The following HS3ST3A1 variants were observed in gnomAD, a reference collection of about 807,000 sequenced individuals.
HS3ST3A1 encodes heparan sulfate-glucosamine 3-sulfotransferase 3A1.
Under a neutral mutation model 25.7 loss-of-function variants are expected in HS3ST3A1, and 19 were observed. The observed-to-expected ratio is 0.74, with a 90% CI of 0.52 to 1.08. The LOEUF (loss-of-function observed/expected upper bound fraction) is 1.08, where lower values mean the gene tolerates loss of function less well. HS3ST3A1 is among the 50% of genes least tolerant of loss of function. HS3ST3A1 has a pLI of 0.00. For synonymous variants in HS3ST3A1, 226 were observed against 278.6 expected (o/e 0.81, Z 1.88); for missense variants, 459 against 594.3 (o/e 0.77, Z 2.37).
chr17:13,538,771 G>A (rs949253488), intron 1 of HS3ST3A1, among the ~76,000 whole-genome samples: 7 of 152,072 alleles, frequency 4.6e-5, no homozygotes, highest in African/African-American at 9.7e-5. Context: ...CAGGGGACAC[G>A]AAAGCAGGAG....
intron 1 of HS3ST3A1, among the ~76,000 whole-genome samples, chr17:13,530,494 G>C (rs1429101245): frequency 6.6e-6 from 1 of 152,168 alleles, no homozygotes; most frequent in African/African-American, 2.4e-5. Context: ...GGTGTGGAGA[G>C]ACTTGAACCC....
intron 1 of HS3ST3A1, among the ~76,000 whole-genome samples, chr17:13,581,572 C>G (rs1309824362): frequency 6.6e-6 from 1 of 151,140 alleles, no homozygotes; most frequent in Non-Finnish European, 1.5e-5. Context: ...TGTCTGAAAA[C>G]AACTAGCCAC....
intron 1 of HS3ST3A1, among the ~76,000 whole-genome samples, chr17:13,521,959 T>C (rs1906259620): frequency 6.6e-6 from 1 of 152,094 alleles, no homozygotes; most frequent in Non-Finnish European, 1.5e-5. Flanking sequence ...CAACCTCCCT[T>C]CCCTCCACTC....
intron 1 of HS3ST3A1, among the ~76,000 whole-genome samples, chr17:13,529,622 A>T (rs1906539792): frequency 6.6e-6 from 1 of 152,222 alleles, no homozygotes. Flanking sequence ...AGTCTACTGT[A>T]AAAAATCCAT....
intron 1 of HS3ST3A1, among the ~76,000 whole-genome samples, chr17:13,586,925 T>TA (rs1247093627): frequency 1.4e-5 from 2 of 138,188 alleles, no homozygotes; most frequent in Non-Finnish European, 3.1e-5. Flanking sequence ...AGACTTAATA[T>TA]AAAAAACTAC....
chr17:13,513,712 T>C (rs1169365734), intron 1 of HS3ST3A1, among the ~76,000 whole-genome samples: 1 of 152,220 alleles, frequency 6.6e-6, no homozygotes, highest in East Asian at 1.9e-4. Flanking sequence ...TCCTATTTTA[T>C]GAAATGCCAT....
At chr17:13,569,737 T>G (rs1013447759) in intron 1 of HS3ST3A1, among the ~76,000 whole-genome samples, 7 of 152,326 alleles carry the variant, frequency 4.6e-5, no homozygotes, top group African/African-American at 1.4e-4. Flanking sequence ...TGATGTAAAT[T>G]CAATCCCTTG....
intron 1 of HS3ST3A1, among the ~76,000 whole-genome samples, chr17:13,564,782 G>A (rs1907635843): frequency 6.8e-6 from 1 of 147,384 alleles, no homozygotes; most frequent in South Asian, 2.1e-4. Context: ...CGAGTGCAGT[G>A]GTGCGATCGC....
chr17:13,550,721 A>G (rs1173573581), intron 1 of HS3ST3A1, among the ~76,000 whole-genome samples: 3 of 152,008 alleles, frequency 2.0e-5, no homozygotes, highest in African/African-American at 7.3e-5. Context: ...AACAACAACA[A>G]CAACAACAAC....
At chr17:13,526,501 TATATATATATATA>T (rs1906431427) in intron 1 of HS3ST3A1, among the ~76,000 whole-genome samples, 1 of 135,478 alleles carries the variant, frequency 7.4e-6, no homozygotes, top group East Asian at 2.1e-4. Context: ...TATATATATA[TATATATATATATA>T]TTATTGGGTT....
chr17:13,552,938 CAAG>C (rs1279807986), intron 1 of HS3ST3A1, among the ~76,000 whole-genome samples: 3 of 152,136 alleles, frequency 2.0e-5, no homozygotes, highest in Admixed American at 6.6e-5. Flanking sequence ...CCCCTTTAAG[CAAG>C]AAGGAGAATT....
At chr17:13,580,783 C>T (rs1046371585) in intron 1 of HS3ST3A1, among the ~76,000 whole-genome samples, 4 of 152,052 alleles carry the variant, frequency 2.6e-5, no homozygotes, top group African/African-American at 9.7e-5. Context: ...CCCAGCTACT[C>T]GGGAGGCTGA....
chr17:13,533,905 A>T (rs1012156068), intron 1 of HS3ST3A1, among the ~76,000 whole-genome samples: 3 of 152,238 alleles, frequency 2.0e-5, no homozygotes, highest in African/African-American at 7.2e-5. Flanking sequence ...ATTTTCACAG[A>T]TGTCTCAGAG....
intron 1 of HS3ST3A1, among the ~76,000 whole-genome samples, chr17:13,557,697 G>C (rs539032091): frequency 6.6e-6 from 1 of 152,298 alleles, no homozygotes; most frequent in East Asian, 1.9e-4. Context: ...TCATTGTGGA[G>C]GCCAAGCTTG....
At position 13,555,071 on chromosome 17, in the gene HS3ST3A1, C is replaced by A. The variant is rs1411837647; in HGVS notation, c.599+45460G>T. ...CACCATTTTCACCAATGGTGTCCCA[C>A]GCTACCTACCTCGTCGGTGTTCTCA... On this transcript the variant is annotated intron_variant, in intron 1 of 1. Coordinates refer to ENST00000284110, the MANE Select transcript of HS3ST3A1 (RefSeq NM_006042.3). 6.6e-5 allele frequency among the ~76,000 whole-genome samples: 10 copies of A among 152,238 alleles called. No individual in the cohort carries two copies. The East Asian group carries it at 1.9e-3, about 29-fold the overall frequency.
At chr17:13,563,624 T>C (rs1255786057) in intron 1 of HS3ST3A1, among the ~76,000 whole-genome samples, 1 of 152,190 alleles carries the variant, frequency 6.6e-6, no homozygotes, top group African/African-American at 2.4e-5. Context: ...GAGGTTCTTT[T>C]AGCTCTGACA....
At chr17:13,549,462 G>A (rs983789802) in intron 1 of HS3ST3A1, among the ~76,000 whole-genome samples, 89 of 152,302 alleles carry the variant, frequency 5.8e-4, no homozygotes, top group African/African-American at 2.0e-3. Flanking sequence ...AGTTGTTATT[G>A]CATTGCACTG....
chr17:13,560,267 G>GCAA (rs1907496662), intron 1 of HS3ST3A1, among the ~76,000 whole-genome samples: 1 of 101,530 alleles, frequency 9.8e-6, no homozygotes, highest in African/African-American at 3.7e-5. Flanking sequence ...TCCAGCCTGG[G>GCAA]CAACAGAGGG....
intron 1 of HS3ST3A1, among the ~76,000 whole-genome samples, chr17:13,498,675 C>T (rs1250618360): frequency 6.6e-6 from 1 of 152,278 alleles, no homozygotes; most frequent in Non-Finnish European, 1.5e-5. Context: ...TGCAGGCTTC[C>T]CCAAACTGGG....
Sources: gnomAD v4.1 joint callset for allele counts (sites outside exome capture counted in the v4.1 genomes callset) on GRCh38, gnomAD v4.1.1 for gene constraint, MANE v1.5 for transcripts, NCBI Gene and HGNC (gene_info 2026-07-23, HGNC 2026-07-21) for gene names.